Variants in RALYL observed in about 807,000 individuals in gnomAD.
The protein encoded by RALYL is RNA-binding Raly-like protein.
In RALYL, 29 loss-of-function variants were observed where a neutral mutation model predicts 35.1. The ratio of observed to expected loss-of-function variants is 0.83; its 90% CI spans 0.61 to 1.13. The LOEUF (loss-of-function observed/expected upper bound fraction) is 1.13. Ranked by LOEUF, RALYL falls within the 50% of genes most tolerant of loss-of-function variation. RALYL has a pLI of 0.00. For synonymous variants in RALYL, 120 were observed against 127.6 expected, an observed-to-expected ratio of 0.94 and a Z score of 0.40; for missense variants, 359 against 360.4, an observed-to-expected ratio of 1.00 and a Z score of 0.03.
At chr8:84,750,348 C>A (rs529427545) in intron 2 of RALYL, among the ~76,000 whole-genome samples, 5 of 152,134 alleles carry the variant, frequency 3.3e-5, no homozygotes, top group Non-Finnish European at 5.9e-5. Flanking sequence ...TTAGTCTGAA[C>A]GCAACCTATC....
chr8:84,906,771 A>G (rs1486239355), intron 8 of RALYL, among the ~76,000 whole-genome samples: 1 of 151,564 alleles, frequency 6.6e-6, no homozygotes, highest in Non-Finnish European at 1.5e-5. Flanking sequence ...GGCATCCTCT[A>G]GCTCAGTCCC....
At chr8:84,424,834 T>TG (rs1195083861) in intron 1 of RALYL, among the ~76,000 whole-genome samples, 1 of 151,974 alleles carries the variant, frequency 6.6e-6, no homozygotes, top group Admixed American at 6.5e-5. Flanking sequence ...GTGCCCCTGC[T>TG]GGGGGGTGCC....
rs919381180 is a variant in RALYL, at chr8:84,316,587, C to T, written c.-24+132163C>T. On this transcript the variant is annotated intron_variant, in intron 1 of 8. Coordinates refer to ENST00000521268, the MANE Select transcript of RALYL (RefSeq NM_173848.7). ...ATATGCTTTCTACTGTTTGCTTAAA[C>T]GTTGTTCATCTGTAGTTGTTTTCCT... Among the ~76,000 whole-genome samples the T allele has an allele frequency of 4.6e-5, 7 of 152,190 alleles. No individual in the cohort carries two copies. The East Asian group carries it at 1.2e-3, about 25-fold the overall frequency.
chr8:84,589,506 A>G (rs1333950203), intron 2 of RALYL, among the ~76,000 whole-genome samples: 1 of 152,242 alleles, frequency 6.6e-6, no homozygotes, highest in Non-Finnish European at 1.5e-5. Flanking sequence ...CATATATTTC[A>G]TATGTATAAT....
chr8:84,190,666 G>T (rs1813629504), intron 1 of RALYL, among the ~76,000 whole-genome samples: 1 of 152,208 alleles, frequency 6.6e-6, no homozygotes, highest in Non-Finnish European at 1.5e-5. Flanking sequence ...TATTTGGTTG[G>T]AGGTGGGAAA....
intron 5 of RALYL, among the ~76,000 whole-genome samples, chr8:84,861,560 A>G (rs138160871): frequency 2.7e-4 from 41 of 152,342 alleles, no homozygotes; most frequent in African/African-American, 8.7e-4. Flanking sequence ...ATATCTAACT[A>G]TAAAATATCT....
intron 1 of RALYL, among the ~76,000 whole-genome samples, chr8:84,426,426 C>T (rs1587120249): frequency 7.8e-6 from 1 of 128,768 alleles, no homozygotes; most frequent in South Asian, 2.5e-4. Flanking sequence ...CTTTTGCGTT[C>T]TCTCTCTCTC....
At chr8:84,535,510 A>G (rs1225574063) in intron 2 of RALYL, among the ~76,000 whole-genome samples, 3 of 148,956 alleles carry the variant, frequency 2.0e-5, no homozygotes, top group African/African-American at 7.5e-5. Flanking sequence ...GTCTCGGCTC[A>G]CTGCAAGCTC....
At chr8:84,358,077 A>G (rs1288369617) in intron 1 of RALYL, among the ~76,000 whole-genome samples, 1 of 151,896 alleles carries the variant, frequency 6.6e-6, no homozygotes, top group African/African-American at 2.4e-5. Context: ...TTCTGCATTT[A>G]AGGTAAATTA....
At chr8:84,714,501 A>G (rs1842663506) in intron 2 of RALYL, among the ~76,000 whole-genome samples, 1 of 151,342 alleles carries the variant, frequency 6.6e-6, no homozygotes, top group Non-Finnish European at 1.5e-5. Context: ...TTATATATAT[A>G]TATAATTTTT....
chr8:84,837,840 C>A (rs953469901), intron 4 of RALYL, among the ~76,000 whole-genome samples: 8 of 152,208 alleles, frequency 5.3e-5, no homozygotes, highest in African/African-American at 1.9e-4. Flanking sequence ...ACATTCAAAA[C>A]CATCATTTCA....
intron 8 of RALYL, among the ~76,000 whole-genome samples, chr8:84,901,197 A>G (rs1353271660): frequency 6.6e-6 from 1 of 152,186 alleles, no homozygotes; most frequent in Non-Finnish European, 1.5e-5. Context: ...AAAATTTACA[A>G]ATACAATTTT....
intron 1 of RALYL, among the ~76,000 whole-genome samples, chr8:84,285,492 T>C (rs112833461): frequency 6.6e-6 from 1 of 152,034 alleles, no homozygotes; most frequent in East Asian, 1.9e-4. Context: ...TAAAATTATA[T>C]AGTGTGATGG....
chr8:84,738,674 T>C (rs527995465), intron 2 of RALYL, among the ~76,000 whole-genome samples: 6 of 152,032 alleles, frequency 3.9e-5, no homozygotes, highest in Non-Finnish European at 5.9e-5. Flanking sequence ...CAATACAATG[T>C]TATTTTATAC....
chr8:84,896,939 A>G (rs1178599420), intron 8 of RALYL, among the ~76,000 whole-genome samples: 1 of 152,152 alleles, frequency 6.6e-6, no homozygotes, highest in Non-Finnish European at 1.5e-5. Flanking sequence ...TAAATAGTAA[A>G]TGATTTTCTA....
intron 3 of RALYL, among the ~76,000 whole-genome samples, chr8:84,791,547 C>T (rs1020973142): frequency 5.3e-5 from 8 of 152,050 alleles, no homozygotes; most frequent in African/African-American, 1.9e-4. Context: ...TGAAAAGTCC[C>T]ATTAGCCATA....
At chr8:84,399,609 C>T (rs73302516) in intron 1 of RALYL, among the ~76,000 whole-genome samples, 4,308 of 152,242 alleles carry the variant, frequency 0.028, 199 homozygotes, top group African/African-American at 0.098. Context: ...CTTTCAAAAC[C>T]GTTCATTTAC....
At chr8:84,899,256 T>C (rs1845272759) in intron 8 of RALYL, among the ~76,000 whole-genome samples, 1 of 152,122 alleles carries the variant, frequency 6.6e-6, no homozygotes, top group African/African-American at 2.4e-5. Flanking sequence ...TGCTTCTTTC[T>C]TTAGGCCATG....
chr8:84,861,607 T>C (rs1838109693), intron 5 of RALYL, among the ~76,000 whole-genome samples: 1 of 152,242 alleles, frequency 6.6e-6, no homozygotes, highest in Non-Finnish European at 1.5e-5. Flanking sequence ...ATGGTCAGAA[T>C]AATTAAAAGA....
Sources: allele counts gnomAD v4.1 joint callset (sites outside exome capture counted in the v4.1 genomes callset), GRCh38; gene constraint gnomAD v4.1.1; transcripts MANE v1.5; gene names NCBI Gene and HGNC (gene_info 2026-07-23, HGNC 2026-07-21).